Variants in MBP observed in about 807,000 individuals in gnomAD.
MBP encodes myelin basic protein.
In MBP, 16 loss-of-function variants were observed where a neutral mutation model predicts 35.8. The observed-to-expected ratio is 0.45, with a 90% confidence interval of 0.30 to 0.68. MBP has a LOEUF of 0.68. Ranked by LOEUF, MBP falls within the 30% of genes least tolerant of loss-of-function variation. MBP has a pLI of 0.08. For synonymous variants in MBP, 143 were observed against 159.6 expected (o/e 0.90, Z 0.78); for missense variants, 380 against 404.7 (o/e 0.94, Z 0.52).
intron 4 of MBP, among the ~76,000 whole-genome samples, chr18:77,000,329 T>C (rs890832159): frequency 3.3e-5 from 5 of 152,218 alleles, no homozygotes; most frequent in African/African-American, 1.2e-4. Context: ...CCGTTAAAAG[T>C]GATCATACTA....
At position 76,989,571 on chromosome 18, in the gene MBP, C is replaced by A. The variant is rs1321188826; in HGVS notation, c.681+385G>T. 1.3e-5 allele frequency among the ~76,000 whole-genome samples: 2 copies of A among 152,122 alleles called. No homozygotes were observed. Among genetic ancestry groups the A allele is most frequent in the South Asian group, 2.1e-4 (1 of 4,818 alleles). On this transcript the variant is annotated intron_variant, in intron 5 of 8. Transcript: ENST00000355994. The surrounding 1 kb of genome is among the most constrained non-coding windows in gnomAD (Gnocchi z 4.0). ...AGTCACCATGGCAGCCTCGACAGAG[C>A]GGTTTCGCTGCCCGAAAAATGCCCT...
At chr18:77,090,148 A>T (rs1461597037) in intron 2 of MBP, among the ~76,000 whole-genome samples, 1 of 152,196 alleles carries the variant, frequency 6.6e-6, no homozygotes, top group Non-Finnish European at 1.5e-5. Context: ...ACGAAGGTGT[A>T]AACTGGCCTC....
chr18:77,044,391 C>A lies in MBP; in HGVS notation c.139+21907G>T, dbSNP rs1461131225. On this transcript the variant is annotated intron_variant, in intron 3 of 8. Coordinates refer to ENST00000355994, the MANE Select transcript of MBP (RefSeq NM_001025101.2). The surrounding 1 kb of genome is among the most constrained non-coding windows in gnomAD (Gnocchi z 4.4). ...AGCTGCCGTGGTGCCAGCCCCCTGC[C>A]CCTCTCCTCCACCTCCATAGATCAG... 6.6e-6 allele frequency among the ~76,000 whole-genome samples: 1 copy of A among 152,118 alleles called. No individual in the cohort carries two copies. Among genetic ancestry groups the A allele is most frequent in the Non-Finnish European group, 1.5e-5 (1 of 68,018 alleles).
chr18:76,985,660 G>A (rs894488210), intron 7 of MBP: 4 of 1,056,098 alleles, frequency 3.8e-6, no homozygotes, highest in East Asian at 8.3e-5. Context: ...GCGGGACAGC[G>A]TCTCAGCTCC....
intron 3 of MBP, among the ~76,000 whole-genome samples, chr18:77,039,400 G>C (rs1178966916): frequency 6.6e-6 from 1 of 152,220 alleles, no homozygotes; most frequent in Non-Finnish European, 1.5e-5. Flanking sequence ...GCCAGGGTGA[G>C]AGACTATTTG....
intron 3 of MBP, among the ~76,000 whole-genome samples, chr18:77,062,045 G>A (rs908380924): frequency 5.9e-5 from 9 of 152,334 alleles, no homozygotes; most frequent in Admixed American, 2.0e-4. Flanking sequence ...CACATGTGGA[G>A]TGAACTAGCT....
intron 4 of MBP, among the ~76,000 whole-genome samples, chr18:77,000,765 G>T (rs924367314): frequency 1.3e-5 from 2 of 152,028 alleles, no homozygotes; most frequent in African/African-American, 2.4e-5. Context: ...TTGTTTTAAG[G>T]CCTGGGGAGC....
intron 3 of MBP, among the ~76,000 whole-genome samples, chr18:77,033,835 T>TATCC (rs1247694918): frequency 1.1e-4 from 16 of 150,028 alleles, no homozygotes; most frequent in East Asian, 2.0e-4. Context: ...CATATCCATT[T>TATCC]ATCCATCCAT....
At chr18:77,072,299 T>C (rs1200137862) in intron 2 of MBP, among the ~76,000 whole-genome samples, 1 of 152,232 alleles carries the variant, frequency 6.6e-6, no homozygotes, top group Non-Finnish European at 1.5e-5. Flanking sequence ...GATATTTCTT[T>C]AAGTTTTCTT....
intron 2 of MBP, among the ~76,000 whole-genome samples, chr18:77,067,992 G>A (rs1344063851): frequency 6.6e-6 from 1 of 151,384 alleles, no homozygotes; most frequent in Non-Finnish European, 1.5e-5. Flanking sequence ...GTCACTAAGA[G>A]CCCTATCTGG....
Position 77,131,485 on chromosome 18 carries a change from G to GCCCACGCGCCCCTCA in MBP, c.-26+1080_-26+1094dup, listed in dbSNP as rs1977269791. On this transcript the variant is annotated intron_variant, in intron 1 of 8. Coordinates refer to ENST00000355994, the MANE Select transcript of MBP (RefSeq NM_001025101.2). The surrounding 1 kb of genome is among the most constrained non-coding windows in gnomAD (Gnocchi z 5.5). ...CCCTCCCCACCCCAGCACCCAGCGA[G>GCCCACGCGCCCCTCA]CCCACGCGCCCCTCACCCACGCGCA... 2 of 151,956 alleles carry GCCCACGCGCCCCTCA rather than the reference G, an allele frequency of 1.3e-5. No homozygotes were observed. Among genetic ancestry groups the GCCCACGCGCCCCTCA allele is most frequent in the East Asian group, 1.9e-4 (1 of 5,150 alleles). The allele number at this position is 151,956 out of a possible 1,614,324, so 9.4% of individuals were successfully genotyped here. A position where few individuals can be genotyped will look rare whatever the true frequency, so the allele number is the denominator to read the frequency against.
chr18:77,023,821 G>T (rs1972089831), intron 3 of MBP, among the ~76,000 whole-genome samples: 1 of 152,200 alleles, frequency 6.6e-6, no homozygotes, highest in African/African-American at 2.4e-5. Flanking sequence ...CAGTACCACA[G>T]AGTCACTCCT....
chr18:77,027,032 C>T (rs746952414), intron 3 of MBP, among the ~76,000 whole-genome samples: 1 of 152,110 alleles, frequency 6.6e-6, no homozygotes, highest in East Asian at 1.9e-4. Context: ...TGCCGTGAGT[C>T]GCCACTGTTG....
chr18:77,028,564 C>T lies in MBP; in HGVS notation c.140-11296G>A, dbSNP rs1411446318. Reference sequence around the variant, plus strand: ...GGGGCTCCTCACTTCCCAGTAGGGGCGGCCGGGCAGAGGCGCCCCTCACCT... The same window carrying T: ...GGGGCTCCTCACTTCCCAGTAGGGGTGGCCGGGCAGAGGCGCCCCTCACCT... On this transcript the variant is annotated intron_variant, in intron 3 of 8. Coordinates refer to ENST00000355994, the MANE Select transcript of MBP (RefSeq NM_001025101.2). Among the ~76,000 whole-genome samples, 15 of 87,282 alleles carry T rather than the reference C, an allele frequency of 1.7e-4. 3 individuals are homozygous for T. Among genetic ancestry groups the T allele is most frequent in the Admixed American group, 1.4e-3 (12 of 8,696 alleles). 57.3% of individuals were successfully genotyped at this position (87,282 alleles called of 152,430 possible). A position where few individuals can be genotyped will look rare whatever the true frequency, so the allele number is the denominator to read the frequency against.
At chr18:77,127,051 G>A (rs186364577) in intron 1 of MBP, among the ~76,000 whole-genome samples, 1 of 152,256 alleles carries the variant, frequency 6.6e-6, no homozygotes, top group African/African-American at 2.4e-5. Flanking sequence ...CATATGGAAA[G>A]GCCCAGAACC....
intron 2 of MBP, among the ~76,000 whole-genome samples, chr18:77,083,594 C>A (rs1473495661): frequency 6.6e-6 from 1 of 152,080 alleles, no homozygotes; most frequent in African/African-American, 2.4e-5. Flanking sequence ...AAACATCTAC[C>A]AACAGATGAA....
At position 76,989,796 on chromosome 18, in the gene MBP, C is replaced by T. The variant is rs1438880559; in HGVS notation, c.681+160G>A. The T allele has an allele frequency of 4.8e-6, 3 of 629,554 alleles. No individual in the cohort carries two copies. Among genetic ancestry groups the T allele is most frequent in the Admixed American group, 5.1e-5 (2 of 39,220 alleles). 39.0% of individuals were successfully genotyped at this position (629,554 alleles called of 1,614,324 possible). A position where few individuals can be genotyped will look rare whatever the true frequency, so the allele number is the denominator to read the frequency against. ...AGTCGGGAAGCGCTTGCCTGGAACT[C>T]GCGATCAGGTGCGAGGGGGGAGTTC... On this transcript the variant is annotated intron_variant, in intron 5 of 8. Coordinates refer to ENST00000355994, the MANE Select transcript of MBP (RefSeq NM_001025101.2). This position sits in a 1 kb window ranked among gnomAD's most constrained non-coding sequence, Gnocchi z 4.0.
chr18:77,049,076 C>T (rs565629994), intron 3 of MBP, among the ~76,000 whole-genome samples: 7 of 152,212 alleles, frequency 4.6e-5, no homozygotes, highest in Admixed American at 1.3e-4. Context: ...CCTGCCACCA[C>T]GCCCGGCTAA....
At chr18:77,060,336 T>A (rs1973917898) in intron 3 of MBP, among the ~76,000 whole-genome samples, 1 of 151,764 alleles carries the variant, frequency 6.6e-6, no homozygotes, top group South Asian at 2.1e-4. Context: ...CAGAGGCACA[T>A]GAAAAATGCT....
Sources: allele counts gnomAD v4.1 joint callset (sites outside exome capture counted in the v4.1 genomes callset), GRCh38; gene constraint gnomAD v4.1.1; non-coding constraint Gnocchi (gnomAD v3.1); transcripts MANE v1.5; gene names NCBI Gene and HGNC (gene_info 2026-07-23, HGNC 2026-07-21).